The following SPON1 variants were observed in gnomAD, a reference collection of about 807,000 sequenced individuals.
The protein encoded by SPON1 is spondin-1.
SPON1 carries 52 observed loss-of-function variants against 111.7 expected under a neutral mutation model. The observed-to-expected ratio is 0.47, with a 90% CI of 0.37 to 0.59. The LOEUF (loss-of-function observed/expected upper bound fraction) is 0.59, where lower values mean the gene tolerates loss of function less well. Among genes scored for constraint, SPON1 ranks in the 20% least tolerant of loss-of-function variants. The pLI is 0.00. For synonymous variants in SPON1, 410 were observed against 395.8 expected (o/e 1.04, Z -0.43); for missense variants, 957 against 1,068.5 (o/e 0.90, Z 1.46).
At chr11:14,240,794 G>C (rs1252411286) in intron 6 of SPON1, among the ~76,000 whole-genome samples, 3 of 152,140 alleles carry the variant, frequency 2.0e-5, no homozygotes, top group African/African-American at 7.2e-5. Context: ...TTCTTCAAGA[G>C]CAAACAGACT....
At chr11:14,022,212 C>T (rs1848485900) in intron 2 of SPON1, among the ~76,000 whole-genome samples, 1 of 152,168 alleles carries the variant, frequency 6.6e-6, no homozygotes, top group Non-Finnish European at 1.5e-5. Context: ...TTTTTAAGTG[C>T]ATTTAGGAAT....
intron 6 of SPON1, among the ~76,000 whole-genome samples, chr11:14,188,650 T>G (rs1366868564): frequency 1.3e-5 from 2 of 152,184 alleles, no homozygotes; most frequent in Non-Finnish European, 2.9e-5. Context: ...TTCTTGAAAC[T>G]TTTGGCAACA....
At chr11:14,087,737 G>A (rs1849017887) in intron 5 of SPON1, among the ~76,000 whole-genome samples, 1 of 152,038 alleles carries the variant, frequency 6.6e-6, no homozygotes, top group Non-Finnish European at 1.5e-5. Flanking sequence ...TTGACAGTGG[G>A]GTGTTAAAAT....
At position 14,228,532 on chromosome 11, in the gene SPON1, C is replaced by T. The variant is rs1328663283; in HGVS notation, c.826-14800C>T. On this transcript the variant is annotated intron_variant, in intron 6 of 15. Transcript: ENST00000576479. The surrounding 1 kb of genome is among the most constrained non-coding windows in gnomAD (Gnocchi z 4.2). ...AACCAACTCACTGGGCTGGGTGGCT[C>T]TTCAGAGTTGTCCTGCCTTGGGGAC... 6.6e-6 allele frequency among the ~76,000 whole-genome samples: 1 copy of T among 152,206 alleles called. No individual in the cohort carries two copies. The highest frequency in any genetic ancestry group is 2.4e-5 in the African/African-American group (1 of 41,454).
At chr11:14,190,592 CCTT>C (rs1848334848) in intron 6 of SPON1, among the ~76,000 whole-genome samples, 1 of 151,180 alleles carries the variant, frequency 6.6e-6, no homozygotes, top group African/African-American at 2.4e-5. Context: ...TTTCTTCCAT[CCTT>C]CTTCCTTCCT....
intron 2 of SPON1, among the ~76,000 whole-genome samples, chr11:14,001,582 A>G (rs1282963008): frequency 1.3e-5 from 2 of 152,208 alleles, no homozygotes. Context: ...ATTCTGCCCC[A>G]ATAAAATATT....
chr11:14,225,824 G>A (rs1017282425), intron 6 of SPON1, among the ~76,000 whole-genome samples: 15 of 152,298 alleles, frequency 9.8e-5, no homozygotes, highest in Middle Eastern at 3.4e-3. Context: ...GTTTAAGTAC[G>A]TGATGTTTAA....
intron 6 of SPON1, among the ~76,000 whole-genome samples, chr11:14,216,643 A>G (rs2133904428): frequency 6.6e-6 from 1 of 152,298 alleles, no homozygotes; most frequent in African/African-American, 2.4e-5. Flanking sequence ...GTGATTGATT[A>G]CATGAAACAT....
intron 2 of SPON1, among the ~76,000 whole-genome samples, chr11:14,028,900 G>T (rs1418843577): frequency 3.3e-5 from 5 of 152,132 alleles, no homozygotes; most frequent in Non-Finnish European, 5.9e-5. Flanking sequence ...TACCTCTCAG[G>T]ATTCCAGGAG....
chr11:14,168,565 C>T (rs916581243), intron 6 of SPON1, among the ~76,000 whole-genome samples: 2 of 151,850 alleles, frequency 1.3e-5, no homozygotes, highest in African/African-American at 4.8e-5. Context: ...AGGTTTGTTA[C>T]CTATGTATAC....
At chr11:14,172,033 T>C (rs1848108862) in intron 6 of SPON1, among the ~76,000 whole-genome samples, 1 of 152,194 alleles carries the variant, frequency 6.6e-6, no homozygotes, top group South Asian at 2.1e-4. Flanking sequence ...CTGAGTTCAA[T>C]TCCTGGATAT....
intron 6 of SPON1, among the ~76,000 whole-genome samples, chr11:14,213,346 G>C (rs923413946): frequency 2.0e-5 from 3 of 151,924 alleles, no homozygotes; most frequent in Admixed American, 6.6e-5. Flanking sequence ...CTCAGACAGA[G>C]AGAAATGTTC....
chr11:14,172,379 T>C (rs1250827255), intron 6 of SPON1, among the ~76,000 whole-genome samples: 8 of 151,904 alleles, frequency 5.3e-5, no homozygotes, highest in African/African-American at 1.9e-4. Flanking sequence ...TTTGAGCCTA[T>C]GTGTGTCTCT....
At chr11:14,092,157 T>G (rs1205656393) in intron 5 of SPON1, among the ~76,000 whole-genome samples, 1 of 152,234 alleles carries the variant, frequency 6.6e-6, no homozygotes, top group Non-Finnish European at 1.5e-5. Flanking sequence ...AAGGACATTC[T>G]TAAGTGAAAC....
At chr11:14,109,989 C>T (rs1050857224) in intron 5 of SPON1, among the ~76,000 whole-genome samples, 2 of 152,224 alleles carry the variant, frequency 1.3e-5, no homozygotes, top group African/African-American at 4.8e-5. Flanking sequence ...TTATTAATCT[C>T]TCTTCCACTG....
At chr11:14,041,740 G>A in intron 3 of SPON1, 86 bp downstream of exon 3, 3 of 1,488,456 alleles carry the variant, frequency 2.0e-6, no homozygotes, top group Non-Finnish European at 9.1e-7. Flanking sequence ...TCTTTACTGA[G>A]CATCAGAAAG....
At chr11:14,097,520 A>G (rs1554923989) in intron 5 of SPON1, among the ~76,000 whole-genome samples, 1 of 152,212 alleles carries the variant, frequency 6.6e-6, no homozygotes, top group Non-Finnish European at 1.5e-5. Context: ...GTGTACAAAA[A>G]TGCTCTCGTT....
intron 2 of SPON1, 49 bp from the exon 3 acceptor site, chr11:14,041,472 C>T (rs1848630730): frequency 3.1e-6 from 5 of 1,599,468 alleles, no homozygotes; most frequent in Admixed American, 3.4e-5. Flanking sequence ...GCTTAAGCGC[C>T]CTCTCAAAAT....
intron 1 of SPON1, among the ~76,000 whole-genome samples, chr11:13,980,591 G>C (rs1306612527): frequency 6.6e-6 from 1 of 151,704 alleles, no homozygotes; most frequent in Non-Finnish European, 1.5e-5. Context: ...TGTGCACAAC[G>C]TGCAGGTTTG....
Sources: allele counts gnomAD v4.1 joint callset (sites outside exome capture counted in the v4.1 genomes callset), GRCh38; gene constraint gnomAD v4.1.1; non-coding constraint Gnocchi (gnomAD v3.1); transcripts MANE v1.5; gene names NCBI Gene and HGNC (gene_info 2026-07-23, HGNC 2026-07-21).